RIMS2: variants seen among roughly 807,000 people sequenced by gnomAD.
The protein encoded by RIMS2 is regulating synaptic membrane exocytosis 2, also known as regulating synaptic membrane exocytosis protein 2.
A neutral mutation model predicts 174.4 loss-of-function variants in RIMS2; 59 were observed. That is an observed-to-expected ratio of 0.34 (90% confidence interval 0.27 to 0.42). RIMS2 has a LOEUF of 0.42. Among genes scored for constraint, RIMS2 ranks in the 10% least tolerant of loss-of-function variants. The pLI is 1.00. For missense variants in RIMS2, 1,620 were observed against 1,666.3 expected, an observed-to-expected ratio of 0.97 and a Z score of 0.48; for synonymous variants, 606 against 572.5, an observed-to-expected ratio of 1.06 and a Z score of -0.84.
At chr8:104,129,106 C>T (rs1378067663) in intron 19 of RIMS2, among the ~76,000 whole-genome samples, 2 of 152,122 alleles carry the variant, frequency 1.3e-5, no homozygotes, top group East Asian at 3.9e-4. Flanking sequence ...ATTTTATGGC[C>T]AGGCACAATG....
At chr8:104,005,976 A>C (rs922435436) in intron 17 of RIMS2, among the ~76,000 whole-genome samples, 1 of 152,040 alleles carries the variant, frequency 6.6e-6, no homozygotes, top group Non-Finnish European at 1.5e-5. Context: ...CATGTAAGGT[A>C]GTGCTGAGAA....
chr8:103,731,529 C>A (rs1369331154), intron 2 of RIMS2, among the ~76,000 whole-genome samples: 1 of 152,114 alleles, frequency 6.6e-6, no homozygotes, highest in African/African-American at 2.4e-5. Context: ...TCCCTTTGAA[C>A]AAACTTTCTA....
At chr8:104,199,034 A>G (rs1587145849) in intron 19 of RIMS2, among the ~76,000 whole-genome samples, 1 of 134,084 alleles carries the variant, frequency 7.5e-6, no homozygotes, top group East Asian at 2.2e-4. Context: ...GAGGCTTAAA[A>G]TATAACTTTT....
chr8:104,133,866 A>G (rs1400891150), intron 19 of RIMS2, among the ~76,000 whole-genome samples: 2 of 152,170 alleles, frequency 1.3e-5, no homozygotes, highest in Admixed American at 6.6e-5. Flanking sequence ...GAAATAAGGA[A>G]CACTGAAGAA....
At chr8:103,908,492 C>G (rs2074986785) in intron 4 of RIMS2, among the ~76,000 whole-genome samples, 1 of 152,156 alleles carries the variant, frequency 6.6e-6, no homozygotes, top group African/African-American at 2.4e-5. Context: ...ATCCTATAGT[C>G]AATGGCATCA....
At chr8:104,166,389 A>G (rs2098798607) in intron 19 of RIMS2, among the ~76,000 whole-genome samples, 1 of 152,018 alleles carries the variant, frequency 6.6e-6, no homozygotes. Context: ...GAAGGTTTGT[A>G]ATTTGAGCCA....
chr8:103,873,266 G>T (rs560995745), intron 3 of RIMS2, among the ~76,000 whole-genome samples: 5 of 152,108 alleles, frequency 3.3e-5, no homozygotes, highest in Admixed American at 2.6e-4. Flanking sequence ...TTTCTCTTGG[G>T]AACAAGATGC....
intron 16 of RIMS2, among the ~76,000 whole-genome samples, chr8:103,982,937 A>T (rs1034033762): frequency 9.9e-5 from 15 of 152,210 alleles, no homozygotes; most frequent in African/African-American, 3.6e-4. Flanking sequence ...AGGGCATCTA[A>T]ATTGGAAAGT....
chr8:103,785,604 A>G (rs1012568257), intron 3 of RIMS2, among the ~76,000 whole-genome samples: 1 of 152,158 alleles, frequency 6.6e-6, no homozygotes, highest in Non-Finnish European at 1.5e-5. Flanking sequence ...CCAGCCTTGC[A>G]TCCCAGGGAT....
chr8:103,656,532 AG>A (rs1163295066), intron 1 of RIMS2, among the ~76,000 whole-genome samples: 1 of 152,210 alleles, frequency 6.6e-6, no homozygotes, highest in East Asian at 1.9e-4. Flanking sequence ...TTCATGGTTA[AG>A]TGGGAAAAAC....
chr8:103,741,026 C>T (rs898270807), intron 2 of RIMS2, among the ~76,000 whole-genome samples: 2 of 151,974 alleles, frequency 1.3e-5, no homozygotes, highest in African/African-American at 4.8e-5. Context: ...TTAAGAATTT[C>T]AGTGACCATA....
At chr8:103,756,167 C>T (rs2097999844) in intron 2 of RIMS2, among the ~76,000 whole-genome samples, 1 of 152,118 alleles carries the variant, frequency 6.6e-6, no homozygotes, top group South Asian at 2.1e-4. Flanking sequence ...TGTTAGTTTT[C>T]CTACTAGCAG....
intron 2 of RIMS2, among the ~76,000 whole-genome samples, chr8:103,710,412 C>G (rs914840036): frequency 6.6e-6 from 1 of 151,982 alleles, no homozygotes; most frequent in African/African-American, 2.4e-5. Flanking sequence ...ATGGAAGTAC[C>G]AACACAACAA....
intron 3 of RIMS2, among the ~76,000 whole-genome samples, chr8:103,852,698 G>A (rs570451836): frequency 1.1e-3 from 166 of 151,948 alleles, no homozygotes; most frequent in Non-Finnish European, 2.1e-3. Context: ...TAGGATTATG[G>A]CCTCCAGCTT....
chr8:103,544,435 C>T (rs1289567478), intron 1 of RIMS2, among the ~76,000 whole-genome samples: 1 of 152,242 alleles, frequency 6.6e-6, no homozygotes, highest in Non-Finnish European at 1.5e-5. Context: ...GCAGTCAGTG[C>T]CTGCTAGAGC....
chr8:103,741,855 A>G (rs1214670645), intron 2 of RIMS2, among the ~76,000 whole-genome samples: 3 of 152,088 alleles, frequency 2.0e-5, no homozygotes, highest in Non-Finnish European at 4.4e-5. Context: ...TGTCAAACCA[A>G]TCAGCCACAT....
chr8:104,137,470 G>A (rs1341523097), intron 19 of RIMS2, among the ~76,000 whole-genome samples: 1 of 152,084 alleles, frequency 6.6e-6, no homozygotes, highest in Admixed American at 6.6e-5. Flanking sequence ...AACTTACCAT[G>A]TGGCAAACAT....
At chr8:103,734,042 C>T (rs76493959) in intron 2 of RIMS2, among the ~76,000 whole-genome samples, 14,865 of 116,450 alleles carry the variant, frequency 0.13, 952 homozygotes, top group Middle Eastern at 0.26. Flanking sequence ...TTTTTTTTCC[C>T]AGACGGAGTC....
intron 17 of RIMS2, among the ~76,000 whole-genome samples, chr8:104,003,904 G>C (rs972440398): frequency 6.6e-6 from 1 of 152,136 alleles, no homozygotes; most frequent in African/African-American, 2.4e-5. Flanking sequence ...GTAGTAGATG[G>C]AAGAACAGAG....
Sources: gnomAD v4.1 joint callset for allele counts (sites outside exome capture counted in the v4.1 genomes callset) on GRCh38, gnomAD v4.1.1 for gene constraint, MANE v1.5 for transcripts, NCBI Gene and HGNC (gene_info 2026-07-23, HGNC 2026-07-21) for gene names.